The following VPS13A variants were observed in gnomAD, a reference collection of about 807,000 sequenced individuals.
The protein encoded by VPS13A is intermembrane lipid transfer protein VPS13A.
Under a neutral mutation model 390.9 loss-of-function variants are expected in VPS13A, and 264 were observed. That is an observed-to-expected ratio of 0.68 (90% CI 0.61 to 0.75). The LOEUF (loss-of-function observed/expected upper bound fraction) is 0.75, where lower values mean the gene tolerates loss of function less well. VPS13A is among the 30% of genes least tolerant of loss of function. The pLI is 0.00. For missense variants in VPS13A, 3,409 were observed against 3,733.9 expected (o/e 0.91, Z 2.27); for synonymous variants, 1,231 against 1,227.1 (o/e 1.00, Z -0.07).
intron 61 of VPS13A, among the ~76,000 whole-genome samples, chr9:77,367,399 A>G (rs1052368865): frequency 2.0e-5 from 3 of 152,252 alleles, no homozygotes; most frequent in Non-Finnish European, 4.4e-5. Context: ...AACCCTTTCA[A>G]GTAGCATCTA....
At chr9:77,385,262 C>T in intron 68 of VPS13A, 1 of 684,900 alleles carries the variant, frequency 1.5e-6, no homozygotes. Context: ...CAGTCATGGC[C>T]TCTCATGGAA....
At chr9:77,182,239 G>A (rs1824065587) in intron 1 of VPS13A, among the ~76,000 whole-genome samples, 1 of 152,080 alleles carries the variant, frequency 6.6e-6, no homozygotes, top group East Asian at 1.9e-4. Context: ...GATTAAAGGT[G>A]CCCACCATCA....
intron 57 of VPS13A, 75 bp downstream of exon 57, chr9:77,358,513 A>G: frequency 1.6e-6 from 2 of 1,275,850 alleles, no homozygotes; most frequent in South Asian, 2.5e-5. Context: ...AAAAATATGA[A>G]GTGAAACCAT....
chr9:77,388,433 C>A (rs1299103758), intron 68 of VPS13A, among the ~76,000 whole-genome samples: 1 of 152,058 alleles, frequency 6.6e-6, no homozygotes, highest in Non-Finnish European at 1.5e-5. Context: ...TTTAACGTGG[C>A]AGAATATTTA....
chr9:77,294,872 AT>A (rs878876034), intron 32 of VPS13A, among the ~76,000 whole-genome samples: 1 of 151,872 alleles, frequency 6.6e-6, no homozygotes, highest in Admixed American at 6.6e-5. Context: ...CTAATTTTTT[AT>A]TTTTAATTTT....
intron 7 of VPS13A, 24 bp from the exon 8 acceptor site, chr9:77,212,945 G>A: frequency 6.2e-7 from 1 of 1,612,960 alleles, no homozygotes; most frequent in Middle Eastern, 1.7e-4. Context: ...CCTTTTTACT[G>A]CCATTGTTTT....
In VPS13A at chr9:77,205,988, T is replaced by C. The variant is rs1216297064; in HGVS notation, c.294T>C (p.Tyr98=). The part of the protein sequence containing the change: ...LLIVPSSRIK[Y]DPLKEEKQLM... ...TTAATCTTCCTATAGGAATAAAATATGATCCTTTAAAAGAAGAGAAACAAC... is the reference window on the plus strand; with the variant it reads ...TTAATCTTCCTATAGGAATAAAATACGATCCTTTAAAAGAAGAGAAACAAC... The change falls in exon 5 of 72, where the codon TAT becomes TAC. Residue 98 remains tyrosine (Y), a synonymous_variant. Coordinates refer to ENST00000360280, the MANE Select transcript of VPS13A (RefSeq NM_033305.3). 1.3e-6 allele frequency: 2 copies of C among 1,566,032 alleles called. No individual in the cohort carries two copies. Among genetic ancestry groups the C allele is most frequent in the South Asian group, 2.3e-5 (2 of 85,170 alleles).
At chr9:77,236,549 A>G (rs1824158467) in intron 17 of VPS13A, among the ~76,000 whole-genome samples, 1 of 152,172 alleles carries the variant, frequency 6.6e-6, no homozygotes, top group South Asian at 2.1e-4. Context: ...ATCATCCAAA[A>G]CATTGTCAAT....
intron 17 of VPS13A, among the ~76,000 whole-genome samples, chr9:77,234,165 T>A (rs1390763679): frequency 6.6e-6 from 1 of 152,146 alleles, no homozygotes; most frequent in South Asian, 2.1e-4. Flanking sequence ...TTGAAAGATA[T>A]TTAAGTTAAT....
At chr9:77,400,892 C>T (rs1303255798) in intron 68 of VPS13A, among the ~76,000 whole-genome samples, 1 of 150,662 alleles carries the variant, frequency 6.6e-6, no homozygotes, top group Non-Finnish European at 1.5e-5. Context: ...ATTTTCTATA[C>T]TTAAATCATT....
intron 23 of VPS13A, among the ~76,000 whole-genome samples, chr9:77,261,201 T>C (rs1450262428): frequency 2.0e-5 from 3 of 152,082 alleles, no homozygotes; most frequent in South Asian, 2.1e-4. Context: ...GCCCGGCCTG[T>C]ATTCTTTTAT....
chr9:77,213,173 A>G, intron 8 of VPS13A, 61 bp from the exon 9 acceptor site: 15 of 1,567,694 alleles, frequency 9.6e-6, no homozygotes, highest in Non-Finnish European at 1.2e-5. Flanking sequence ...AGACTTCTGA[A>G]AATAGTGTAT....
chr9:77,332,197 A>T, intron 46 of VPS13A, 84 bp downstream of exon 46: 1 of 1,057,296 alleles, frequency 9.5e-7, no homozygotes, highest in Admixed American at 1.7e-5. Context: ...ACTTTGATCA[A>T]ATCCATCCTG....
At chr9:77,256,915 G>A (rs1825479656) in intron 22 of VPS13A, among the ~76,000 whole-genome samples, 1 of 151,834 alleles carries the variant, frequency 6.6e-6, no homozygotes, top group South Asian at 2.1e-4. Context: ...CTTGTAGACA[G>A]TATGTAGTTG....
chr9:77,367,529 T>G (rs1832499770), intron 61 of VPS13A, among the ~76,000 whole-genome samples: 1 of 152,226 alleles, frequency 6.6e-6, no homozygotes, highest in African/African-American at 2.4e-5. Flanking sequence ...GAAATAGTAT[T>G]CTACTTAGCA....
intron 69 of VPS13A, among the ~76,000 whole-genome samples, chr9:77,404,926 A>G (rs1587726973): frequency 1.3e-5 from 2 of 152,110 alleles, no homozygotes; most frequent in Non-Finnish European, 2.9e-5. Context: ...CAGAAGATGG[A>G]AGTGAGAGAT....
intron 56 of VPS13A, 54 bp from the exon 57 acceptor site, chr9:77,358,302 TG>T: frequency 7.1e-7 from 1 of 1,407,282 alleles, no homozygotes; most frequent in Non-Finnish European, 1.0e-6. Flanking sequence ...CCTGTTATTC[TG>T]GTCAGGTTGT....
chr9:77,331,686 T>C (rs1244254410), intron 45 of VPS13A, among the ~76,000 whole-genome samples: 3 of 151,964 alleles, frequency 2.0e-5, no homozygotes, highest in Admixed American at 6.6e-5. Flanking sequence ...TTTTTTTCTG[T>C]GAATTTTTTT....
chr9:77,360,790 A>G, intron 59 of VPS13A, 149 bp downstream of exon 59: 1 of 613,330 alleles, frequency 1.6e-6, no homozygotes, highest in Non-Finnish European at 2.7e-6. Context: ...CCTTTTTAGA[A>G]ATCTTATTTT....
Sources: allele counts gnomAD v4.1 joint callset (sites outside exome capture counted in the v4.1 genomes callset), GRCh38; gene constraint gnomAD v4.1.1; transcripts MANE v1.5; gene names NCBI Gene and HGNC (gene_info 2026-07-23, HGNC 2026-07-21).